Variants in GOLGA4 observed in about 807,000 individuals in gnomAD.
The protein encoded by GOLGA4 is golgin A4.
Under a neutral mutation model 265.9 loss-of-function variants are expected in GOLGA4, and 169 were observed. That is an observed-to-expected ratio of 0.64 (90% CI 0.56 to 0.72). The LOEUF is 0.72. GOLGA4 is among the 30% of genes least tolerant of loss of function. The pLI is 0.00. For synonymous variants in GOLGA4, 923 were observed against 855.8 expected, an observed-to-expected ratio of 1.08 and a Z score of -1.37; for missense variants, 2,482 against 2,483.4, an observed-to-expected ratio of 1.00 and a Z score of 0.01.
At chr3:37,278,814 T>C (rs77879491) in intron 2 of GOLGA4, among the ~76,000 whole-genome samples, 1,997 of 124,026 alleles carry the variant, frequency 0.016, 24 homozygotes, top group South Asian at 0.062. Flanking sequence ...GTTTGTTTAC[T>C]TTTTTTTTTT....
At chr3:37,364,001 C>T (rs1369398334) in intron 23 of GOLGA4, among the ~76,000 whole-genome samples, 1 of 152,126 alleles carries the variant, frequency 6.6e-6, no homozygotes, top group Non-Finnish European at 1.5e-5. Flanking sequence ...TTGGTGTCTT[C>T]TTTAGGTTCC....
intron 9 of GOLGA4, among the ~76,000 whole-genome samples, chr3:37,301,724 A>G (rs945284824): frequency 6.6e-6 from 1 of 152,204 alleles, no homozygotes; most frequent in African/African-American, 2.4e-5. Context: ...TGAAGTATTG[A>G]AATAATTGTT....
intron 23 of GOLGA4, among the ~76,000 whole-genome samples, chr3:37,362,475 C>T (rs1205825710): frequency 6.6e-6 from 1 of 151,336 alleles, no homozygotes; most frequent in African/African-American, 2.4e-5. Flanking sequence ...CTCCTGACCT[C>T]GTGATCCGCC....
intron 20 of GOLGA4, among the ~76,000 whole-genome samples, chr3:37,345,802 C>T (rs1199616476): frequency 1.3e-5 from 2 of 152,056 alleles, no homozygotes; most frequent in East Asian, 3.9e-4. Flanking sequence ...CAAAAATTAG[C>T]CAGGCATGGT....
intron 2 of GOLGA4, among the ~76,000 whole-genome samples, chr3:37,281,001 C>G (rs1012086058): frequency 3.3e-5 from 5 of 152,158 alleles, no homozygotes; most frequent in African/African-American, 1.2e-4. Flanking sequence ...CTACACATGA[C>G]CTCAGTTTCC....
chr3:37,316,593 A>G (rs1189725847), intron 11 of GOLGA4, among the ~76,000 whole-genome samples: 2 of 152,238 alleles, frequency 1.3e-5, no homozygotes. Context: ...AAATAGTCAT[A>G]TGATGTGATA....
rs1476880012 is a variant in GOLGA4 at position 37,366,799 on chromosome 3, T to G, written c.*753T>G. 6.6e-6 allele frequency: 1 copy of G among 152,320 alleles called. No homozygotes were observed. Among genetic ancestry groups the G allele is most frequent in the Non-Finnish European group, 1.5e-5 (1 of 68,032 alleles). The allele number at this position is 152,320 out of a possible 1,614,324, so 9.4% of individuals were successfully genotyped here. A position where few individuals can be genotyped will look rare whatever the true frequency, so the allele number is the denominator to read the frequency against. ...CAGTTGAAATCTATTTTAAAATGTT[T>G]AAGAATGCATATTCTATTTGGATGA... On this transcript the variant is annotated 3_prime_UTR_variant, in exon 24 of 24. Coordinates refer to ENST00000361924, the MANE Select transcript of GOLGA4 (RefSeq NM_002078.5).
At chr3:37,364,274 C>A (rs1048241356) in intron 23 of GOLGA4, among the ~76,000 whole-genome samples, 2 of 152,172 alleles carry the variant, frequency 1.3e-5, no homozygotes, top group Admixed American at 1.3e-4. Flanking sequence ...GAGTTTCACT[C>A]TTGTTGCCCA....
At position 37,327,673 on chromosome 3, in the gene GOLGA4, GT is replaced by G; in HGVS notation, c.5790del (p.Phe1930LeufsTer3). ...NMEAQHNDLE[F>X]KLAGAEREKQ... Reference sequence around the variant, plus strand: ...TGGAAGCCCAGCACAATGATCTGGAGTTTAAATTAGCCGGGGCAGAACGGGA... The same window carrying G: ...TGGAAGCCCAGCACAATGATCTGGAGTTAAATTAGCCGGGGCAGAACGGGA... On this transcript the variant is annotated frameshift_variant, in exon 14 of 24. Coordinates refer to ENST00000361924, the MANE Select transcript of GOLGA4 (RefSeq NM_002078.5). LOFTEE classifies it high-confidence loss of function. The G allele has an allele frequency of 6.2e-7, 1 of 1,614,038 alleles. No individual in the cohort carries two copies. Among genetic ancestry groups the G allele is most frequent in the Non-Finnish European group, 8.5e-7 (1 of 1,179,918 alleles).
At position 37,315,540 on chromosome 3, in the gene GOLGA4, G is replaced by A. The variant is rs769948063; in HGVS notation, c.1355G>A (p.Arg452His). ...ATCGAAAAAACAAGTGAGGAGGAAC[G>A]CATCAGTCTTCAACAGGAATTAAGT... ...KTIEKTSEEE[R>H]ISLQQELSRV... The change falls in exon 11 of 24, where the codon CGC (arginine) becomes CAC (histidine). Residue 452 changes from arginine (R) to histidine (H), a missense_variant. Arg to His is a conservative substitution (Grantham distance 29). Coordinates refer to ENST00000361924, the MANE Select transcript of GOLGA4 (RefSeq NM_002078.5). The A allele has an allele frequency of 1.5e-5, 24 of 1,613,574 alleles. No individual in the cohort carries two copies. Among genetic ancestry groups the A allele is most frequent in the East Asian group, 2.2e-5 (1 of 44,876 alleles).
chr3:37,294,601 G>A (rs1417870034), intron 5 of GOLGA4, among the ~76,000 whole-genome samples: 2 of 152,050 alleles, frequency 1.3e-5, no homozygotes, highest in Non-Finnish European at 2.9e-5. Context: ...TGGCCAGGCT[G>A]GTCTCGAACT....
Position 37,295,086 on chromosome 3 carries a change from G to A in GOLGA4, c.681+9G>A, listed in dbSNP as rs2150836105. The A allele has an allele frequency of 2.0e-6, 3 of 1,467,536 alleles. No individual in the cohort carries two copies. The highest frequency in any genetic ancestry group is 2.8e-6 in the Non-Finnish European group (3 of 1,077,492). The allele number at this position is 1,467,536 out of a possible 1,614,324, so 90.9% of individuals were successfully genotyped here. ...GTGTTCTCCAAACTCAGGTAAAAGA[G>A]TAAAAGAAAAAGTGTGGAATTTTTT... On this transcript the variant is annotated intron_variant, in intron 6 of 23. Transcript: ENST00000361924.
intron 2 of GOLGA4, among the ~76,000 whole-genome samples, chr3:37,279,620 G>T (rs562755823): frequency 6.6e-5 from 10 of 152,142 alleles, no homozygotes; most frequent in African/African-American, 2.4e-4. Context: ...AAAAAGTCCT[G>T]CAGAGGCCCA....
intron 2 of GOLGA4, among the ~76,000 whole-genome samples, chr3:37,277,241 A>G (rs948815181): frequency 3.3e-5 from 5 of 152,190 alleles, no homozygotes; most frequent in Non-Finnish European, 7.3e-5. Flanking sequence ...TGTTCTTAAT[A>G]GATTTTTGGA....
At chr3:37,274,872 G>A (rs1206802806) in intron 2 of GOLGA4, among the ~76,000 whole-genome samples, 1 of 152,010 alleles carries the variant, frequency 6.6e-6, no homozygotes, top group Non-Finnish European at 1.5e-5. Flanking sequence ...TGAGCTGAAT[G>A]ATTTGTGAAC....
chr3:37,331,352 A>G (rs1481025665), intron 16 of GOLGA4, among the ~76,000 whole-genome samples: 1 of 152,164 alleles, frequency 6.6e-6, no homozygotes, highest in Non-Finnish European at 1.5e-5. Flanking sequence ...TAGACTTTCA[A>G]CTGCTAGGAC....
At chr3:37,320,721 G>C (rs983424303) in intron 12 of GOLGA4, among the ~76,000 whole-genome samples, 1 of 152,172 alleles carries the variant, frequency 6.6e-6, no homozygotes, top group Non-Finnish European at 1.5e-5. Context: ...GACCTACTCT[G>C]AGTTTTCATG....
At chr3:37,293,304 GA>G (rs2096869690) in intron 5 of GOLGA4, among the ~76,000 whole-genome samples, 1 of 151,020 alleles carries the variant, frequency 6.6e-6, no homozygotes, top group South Asian at 2.1e-4. Flanking sequence ...TTTTTCTTGT[GA>G]TTTTTTTTTT....
At chr3:37,332,275 T>C (rs954533059) in intron 16 of GOLGA4, among the ~76,000 whole-genome samples, 2 of 152,232 alleles carry the variant, frequency 1.3e-5, no homozygotes, top group African/African-American at 2.4e-5. Context: ...AAAGTCACAT[T>C]CTCAAGCTTC....
Sources: allele counts gnomAD v4.1 joint callset (sites outside exome capture counted in the v4.1 genomes callset), GRCh38; gene constraint gnomAD v4.1.1; transcripts MANE v1.5; gene names NCBI Gene and HGNC (gene_info 2026-07-23, HGNC 2026-07-21).